Variants in PKN2 observed in about 807,000 individuals in gnomAD.
PKN2 encodes serine/threonine-protein kinase N2.
A neutral mutation model predicts 119.1 loss-of-function variants in PKN2; 38 were observed. The observed-to-expected ratio is 0.32, with a 90% CI of 0.25 to 0.42. PKN2 has a LOEUF of 0.42. Ranked by LOEUF, PKN2 falls within the 10% of genes least tolerant of loss-of-function variation. The pLI, the probability that PKN2 is intolerant of heterozygous loss-of-function variation, is 1.00. For synonymous variants in PKN2, 390 were observed against 384.9 expected, an observed-to-expected ratio of 1.01 and a Z score of -0.15; for missense variants, 850 against 1,165.1, an observed-to-expected ratio of 0.73 and a Z score of 3.94.
At chr1:88,756,007 G>A (rs1438884712) in intron 2 of PKN2, among the ~76,000 whole-genome samples, 1 of 151,540 alleles carries the variant, frequency 6.6e-6, no homozygotes, top group Non-Finnish European at 1.5e-5. Flanking sequence ...CCACCTCCTG[G>A]GTTCAAGCAA....
chr1:88,745,387 G>A (rs1476698876), intron 2 of PKN2, among the ~76,000 whole-genome samples: 1 of 152,122 alleles, frequency 6.6e-6, no homozygotes, highest in Non-Finnish European at 1.5e-5. Context: ...CCACCATAAA[G>A]CTGTTAGGAC....
At chr1:88,698,519 A>G (rs1490151652) in intron 1 of PKN2, among the ~76,000 whole-genome samples, 1 of 152,246 alleles carries the variant, frequency 6.6e-6, no homozygotes, top group Non-Finnish European at 1.5e-5. Context: ...GTGCTTTGTT[A>G]TATAATCTTT....
In PKN2 at chr1:88,709,934, G is replaced by A. The variant is rs546956681; in HGVS notation, c.48+25306G>A. ...TTTGGCATCTGATTGGATGTGGAGGGCAAGAGAAGGGACAGGTAAAAAAAT... is the reference window on the plus strand; with the variant it reads ...TTTGGCATCTGATTGGATGTGGAGGACAAGAGAAGGGACAGGTAAAAAAAT... On this transcript the variant is annotated intron_variant, in intron 1 of 21. Transcript: ENST00000370521. Among the ~76,000 whole-genome samples, 3 of 152,272 alleles carry A rather than the reference G, an allele frequency of 2.0e-5. No homozygotes were observed. The East Asian group carries it at 5.8e-4, about 29-fold the overall frequency.
At chr1:88,733,528 C>A (rs2100730630) in intron 1 of PKN2, among the ~76,000 whole-genome samples, 1 of 151,966 alleles carries the variant, frequency 6.6e-6, no homozygotes, top group East Asian at 1.9e-4. Context: ...ATTTTTTGAT[C>A]AGGTTATTTG....
intron 1 of PKN2, among the ~76,000 whole-genome samples, chr1:88,696,331 G>A (rs1666541405): frequency 6.6e-6 from 1 of 152,166 alleles, no homozygotes; most frequent in African/African-American, 2.4e-5. Context: ...AAGCTATGGG[G>A]TTGTATCACT....
intron 1 of PKN2, among the ~76,000 whole-genome samples, chr1:88,712,554 C>A (rs896995251): frequency 2.6e-5 from 4 of 152,052 alleles, no homozygotes; most frequent in African/African-American, 7.2e-5. Context: ...ATACTGTATT[C>A]TGAATTATTA....
intron 16 of PKN2, 40 bp from the exon 17 acceptor site, chr1:88,821,901 A>G: frequency 6.8e-7 from 1 of 1,472,740 alleles, no homozygotes; most frequent in East Asian, 2.4e-5. Context: ...CAAGAGCAAT[A>G]AAATTTATTA....
At chr1:88,819,479 A>C (rs1672156302) in intron 16 of PKN2, among the ~76,000 whole-genome samples, 1 of 152,258 alleles carries the variant, frequency 6.6e-6, no homozygotes, top group African/African-American at 2.4e-5. Flanking sequence ...ATCTCACGCC[A>C]GTTAGAATGG....
At chr1:88,702,466 A>G (rs1298244430) in intron 1 of PKN2, among the ~76,000 whole-genome samples, 1 of 152,212 alleles carries the variant, frequency 6.6e-6, no homozygotes, top group East Asian at 1.9e-4. Flanking sequence ...TTATGTAATA[A>G]CTAAAGTTGG....
At chr1:88,827,016 G>A (rs1005016210) in intron 18 of PKN2, among the ~76,000 whole-genome samples, 4 of 151,814 alleles carry the variant, frequency 2.6e-5, no homozygotes, top group South Asian at 2.1e-4. Flanking sequence ...ATCTAATTGT[G>A]CCCTTCAGGT....
At chr1:88,759,513 C>T (rs539626056) in intron 2 of PKN2, among the ~76,000 whole-genome samples, 16 of 152,170 alleles carry the variant, frequency 1.1e-4, no homozygotes, top group African/African-American at 3.9e-4. Context: ...TGTCCTTTGC[C>T]CACTTTTCAG....
At chr1:88,799,173 A>G (rs940156981) in intron 8 of PKN2, among the ~76,000 whole-genome samples, 7 of 152,230 alleles carry the variant, frequency 4.6e-5, no homozygotes, top group African/African-American at 1.4e-4. Flanking sequence ...AGCAGTTTCT[A>G]TCATAGTTGT....
At chr1:88,738,350 A>G (rs1304966013) in intron 1 of PKN2, among the ~76,000 whole-genome samples, 1 of 152,236 alleles carries the variant, frequency 6.6e-6, no homozygotes, top group Non-Finnish European at 1.5e-5. Context: ...TTTGGACAGG[A>G]AATTGTTTCC....
chr1:88,765,959 G>A (rs189670455), intron 3 of PKN2, among the ~76,000 whole-genome samples: 3 of 152,182 alleles, frequency 2.0e-5, no homozygotes, highest in African/African-American at 7.2e-5. Flanking sequence ...TTACAGGTGG[G>A]CACCACCATG....
At chr1:88,715,200 T>C (rs1394861399) in intron 1 of PKN2, among the ~76,000 whole-genome samples, 4 of 152,224 alleles carry the variant, frequency 2.6e-5, no homozygotes, top group Non-Finnish European at 4.4e-5. Context: ...GATTTTTGCA[T>C]TGATGTTCAT....
intron 2 of PKN2, among the ~76,000 whole-genome samples, chr1:88,750,355 T>C (rs773930519): frequency 7.6e-4 from 116 of 152,220 alleles, no homozygotes; most frequent in Non-Finnish European, 1.5e-3. Flanking sequence ...ATTGCTCCTG[T>C]GTTCTAGAAC....
intron 3 of PKN2, among the ~76,000 whole-genome samples, chr1:88,767,818 G>A (rs1338508555): frequency 6.6e-6 from 1 of 151,918 alleles, no homozygotes; most frequent in African/African-American, 2.4e-5. Flanking sequence ...TATTCAGCAG[G>A]GTATATTTCA....
At chr1:88,816,663 AT>A (rs1399417484) in intron 16 of PKN2, 2 of 152,176 alleles carry the variant, frequency 1.3e-5, no homozygotes, top group African/African-American at 4.8e-5. Context: ...AAGTAGTTGC[AT>A]TTTATTTTTG....
intron 8 of PKN2, among the ~76,000 whole-genome samples, chr1:88,787,583 A>G (rs1184093901): frequency 6.6e-6 from 1 of 152,222 alleles, no homozygotes; most frequent in East Asian, 1.9e-4. Flanking sequence ...AGGAGGAAAC[A>G]GCAGAAGATG....
Sources: allele counts gnomAD v4.1 joint callset (sites outside exome capture counted in the v4.1 genomes callset), GRCh38; gene constraint gnomAD v4.1.1; transcripts MANE v1.5; gene names NCBI Gene and HGNC (gene_info 2026-07-23, HGNC 2026-07-21).